The following NELL2 variants were observed in gnomAD, a reference collection of about 807,000 sequenced individuals.
NELL2 encodes the protein neural EGFL like 2.
In NELL2, 41 loss-of-function variants were observed where a neutral mutation model predicts 109.6. That is an observed-to-expected ratio of 0.37 (90% CI 0.29 to 0.49). NELL2 has a LOEUF of 0.49. Among genes scored for constraint, NELL2 ranks in the 20% least tolerant of loss-of-function variants. The pLI is 0.98. For synonymous variants in NELL2, 355 were observed against 344.7 expected (o/e 1.03, Z -0.33); for missense variants, 900 against 1,008.3 (o/e 0.89, Z 1.45).
intron 15 of NELL2, among the ~76,000 whole-genome samples, chr12:44,589,485 A>G (rs1217705175): frequency 6.6e-6 from 1 of 152,034 alleles, no homozygotes; most frequent in East Asian, 1.9e-4. Context: ...CCAGGTTCAA[A>G]TGATTCTCCT....
chr12:44,710,524 T>A (rs1407631301), intron 11 of NELL2, among the ~76,000 whole-genome samples: 1 of 152,130 alleles, frequency 6.6e-6, no homozygotes, highest in East Asian at 1.9e-4. Flanking sequence ...AAGGCACATA[T>A]AATTTCATGA....
chr12:44,710,339 G>A (rs1459213739), intron 11 of NELL2, among the ~76,000 whole-genome samples: 2 of 151,948 alleles, frequency 1.3e-5, no homozygotes, highest in Admixed American at 1.3e-4. Flanking sequence ...AGCTTATTTG[G>A]GGCAGTTTGT....
At chr12:44,559,835 G>A (rs1472953101) in intron 15 of NELL2, among the ~76,000 whole-genome samples, 1 of 152,174 alleles carries the variant, frequency 6.6e-6, no homozygotes, top group Non-Finnish European at 1.5e-5. Flanking sequence ...GGACTTAATA[G>A]ACATCTACAG....
chr12:44,757,444 C>T (rs973944988), intron 9 of NELL2, among the ~76,000 whole-genome samples: 5 of 151,994 alleles, frequency 3.3e-5, no homozygotes, highest in Non-Finnish European at 4.4e-5. Flanking sequence ...CACAACAGCC[C>T]ACATTATCTG....
At chr12:44,568,604 A>G (rs536195042) in intron 15 of NELL2, among the ~76,000 whole-genome samples, 1 of 152,226 alleles carries the variant, frequency 6.6e-6, no homozygotes, top group East Asian at 1.9e-4. Flanking sequence ...TGTATATAAT[A>G]ATAATAACAT....
In NELL2 at chr12:44,677,706, A is replaced by T. The variant is rs566653169; in HGVS notation, c.1319-12097T>A. Among the ~76,000 whole-genome samples, 14 of 151,978 alleles carry T rather than the reference A, an allele frequency of 9.2e-5. No individual in the cohort carries two copies. The East Asian group carries it at 2.1e-3, about 23-fold the overall frequency. On this transcript the variant is annotated intron_variant, in intron 12 of 19. Coordinates refer to ENST00000429094, the MANE Select transcript of NELL2 (RefSeq NM_001145108.2). ...GAACATGAAAGGAGTGAGGCAGATT[A>T]AAAAAAATACATGGGATCTAATATT...
At chr12:44,719,214 A>AGG (rs1318765686) in intron 9 of NELL2, among the ~76,000 whole-genome samples, 1 of 152,216 alleles carries the variant, frequency 6.6e-6, no homozygotes, top group Non-Finnish European at 1.5e-5. Flanking sequence ...AAAAAGTGAA[A>AGG]GGTAATTTAT....
chr12:44,779,768 A>C lies in NELL2; in HGVS notation c.510-9T>G. 6.2e-7 allele frequency: 1 copy of C among 1,613,874 alleles called. No individual in the cohort carries two copies. Among genetic ancestry groups the C allele is most frequent in the South Asian group, 1.1e-5 (1 of 91,072 alleles). On this transcript the variant is annotated splice_polypyrimidine_tract_variant and intron_variant, in intron 4 of 19. Coordinates refer to ENST00000429094, the MANE Select transcript of NELL2 (RefSeq NM_001145108.2). ...CTACCCTTTCATAAATTCTGCAAAAAAGAAACATCAAAGAAGGAACGTGAG... is the reference window on the plus strand; with the variant it reads ...CTACCCTTTCATAAATTCTGCAAAACAGAAACATCAAAGAAGGAACGTGAG...
intron 13 of NELL2, among the ~76,000 whole-genome samples, chr12:44,629,378 T>C (rs553074543): frequency 6.6e-6 from 1 of 152,336 alleles, no homozygotes; most frequent in South Asian, 2.1e-4. Flanking sequence ...ATCAGATTGA[T>C]TTTTAAAGGA....
intron 15 of NELL2, among the ~76,000 whole-genome samples, chr12:44,558,161 T>C (rs527921208): frequency 1.2e-4 from 18 of 152,190 alleles, no homozygotes; most frequent in Non-Finnish European, 2.5e-4. Flanking sequence ...GAAACTTGAA[T>C]ATGTTTACAG....
chr12:44,687,389 G>A (rs1368489761), intron 12 of NELL2, among the ~76,000 whole-genome samples: 6 of 152,222 alleles, frequency 3.9e-5, no homozygotes, highest in African/African-American at 1.2e-4. Flanking sequence ...GCTGGGAGCT[G>A]TAGACTGGAG....
At chr12:44,770,011 A>G (rs914641548) in intron 9 of NELL2, among the ~76,000 whole-genome samples, 3 of 152,124 alleles carry the variant, frequency 2.0e-5, no homozygotes, top group African/African-American at 7.2e-5. Flanking sequence ...ATCAGGACAC[A>G]ATTTGAGAGA....
intron 2 of NELL2, among the ~76,000 whole-genome samples, chr12:44,851,168 T>G (rs1238927628): frequency 1.3e-5 from 2 of 152,092 alleles, no homozygotes; most frequent in African/African-American, 4.8e-5. Context: ...TGCTTTATAA[T>G]AGAAACACCT....
intron 15 of NELL2, among the ~76,000 whole-genome samples, chr12:44,536,295 G>C (rs192052890): frequency 6.6e-6 from 1 of 152,090 alleles, no homozygotes; most frequent in Non-Finnish European, 1.5e-5. Flanking sequence ...AGTATATTTT[G>C]TCTATATACA....
chr12:44,662,097 G>A (rs1231343911), intron 13 of NELL2, among the ~76,000 whole-genome samples: 1 of 152,074 alleles, frequency 6.6e-6, no homozygotes, highest in Non-Finnish European at 1.5e-5. Context: ...GAGTTTAGAA[G>A]AGCAAAAACA....
At chr12:44,528,971 C>T (rs1201195220) in intron 16 of NELL2, among the ~76,000 whole-genome samples, 1 of 152,080 alleles carries the variant, frequency 6.6e-6, no homozygotes, top group Non-Finnish European at 1.5e-5. Context: ...ATCATGTGAG[C>T]CCTTGTCAAC....
At chr12:44,617,834 TTGCTAGA>T (rs1945896607) in intron 13 of NELL2, among the ~76,000 whole-genome samples, 1 of 152,112 alleles carries the variant, frequency 6.6e-6, no homozygotes, top group African/African-American at 2.4e-5. Context: ...TCTTTTGCTT[TTGCTAGA>T]TAGATGTCTT....
chr12:44,531,269 T>C (rs1210151023), intron 16 of NELL2, among the ~76,000 whole-genome samples: 2 of 152,250 alleles, frequency 1.3e-5, no homozygotes. Flanking sequence ...TTATATTCAT[T>C]CTTTATGTGC....
intron 15 of NELL2, among the ~76,000 whole-genome samples, chr12:44,595,310 AAAGT>A: frequency 6.6e-6 from 1 of 152,238 alleles, no homozygotes; most frequent in Non-Finnish European, 1.5e-5. Context: ...CGTGAGTGAA[AAAGT>A]AATTTATATT....
Sources: gnomAD v4.1 joint callset for allele counts (sites outside exome capture counted in the v4.1 genomes callset) on GRCh38, gnomAD v4.1.1 for gene constraint, MANE v1.5 for transcripts, NCBI Gene and HGNC (gene_info 2026-07-23, HGNC 2026-07-21) for gene names.